GNAT3: variants seen among roughly 807,000 people sequenced by gnomAD.
GNAT3 encodes the protein G protein subunit alpha transducin 3, also known as guanine nucleotide-binding protein G(t) subunit alpha-3.
GNAT3 carries 31 observed loss-of-function variants against 37.7 expected under a neutral mutation model. The observed-to-expected ratio is 0.82, with a 90% CI of 0.62 to 1.11. GNAT3 has a LOEUF of 1.11. GNAT3 is among the 50% of genes most tolerant of loss of function. GNAT3 has a pLI of 0.00. For missense variants in GNAT3, 437 were observed against 412.5 expected, an observed-to-expected ratio of 1.06 and a Z score of -0.51; for synonymous variants, 138 against 139.8, an observed-to-expected ratio of 0.99 and a Z score of 0.09.
intron 3 of GNAT3, among the ~76,000 whole-genome samples, chr7:80,482,605 C>A (rs1451448677): frequency 5.9e-5 from 9 of 151,870 alleles, no homozygotes; most frequent in Non-Finnish European, 8.8e-5. Context: ...CCTCCACCTC[C>A]CACTTTCAAG....
chr7:80,471,930 A>G (rs1790227906), intron 5 of GNAT3, among the ~76,000 whole-genome samples: 1 of 152,030 alleles, frequency 6.6e-6, no homozygotes, highest in African/African-American at 2.4e-5. Flanking sequence ...TTGTGTATGT[A>G]GAGTGTTTGG....
At chr7:80,485,781 T>C (rs768977996) in intron 3 of GNAT3, among the ~76,000 whole-genome samples, 4 of 152,144 alleles carry the variant, frequency 2.6e-5, no homozygotes, top group Non-Finnish European at 5.9e-5. Flanking sequence ...TTACTGAAAA[T>C]GTACATTCTA....
intron 3 of GNAT3, among the ~76,000 whole-genome samples, chr7:80,487,320 A>G (rs924626353): frequency 1.3e-5 from 2 of 152,118 alleles, no homozygotes; most frequent in East Asian, 3.9e-4. Flanking sequence ...CCTTTTACAC[A>G]TGAGAGGGAA....
intron 3 of GNAT3, among the ~76,000 whole-genome samples, chr7:80,481,048 T>G (rs1193994696): frequency 2.0e-5 from 3 of 152,188 alleles, no homozygotes; most frequent in Non-Finnish European, 2.9e-5. Flanking sequence ...ATTATTATTT[T>G]GAATTGACTA....
intron 1 of GNAT3, among the ~76,000 whole-genome samples, chr7:80,504,246 G>A (rs1790889658): frequency 6.6e-6 from 1 of 152,114 alleles, no homozygotes; most frequent in South Asian, 2.1e-4. Flanking sequence ...AGCCCAGGAA[G>A]TTGGGGCTGC....
intron 5 of GNAT3, among the ~76,000 whole-genome samples, chr7:80,470,315 G>C (rs1790190703): frequency 6.6e-6 from 1 of 152,078 alleles, no homozygotes; most frequent in South Asian, 2.1e-4. Flanking sequence ...TCCGCCTTTT[G>C]AGTTCAAGTG....
Position 80,505,893 on chromosome 7 carries a change from G to C in GNAT3, c.118+5916C>G, listed in dbSNP as rs80072511. Among the ~76,000 whole-genome samples, 1,159 of 152,260 alleles carry C rather than the reference G, an allele frequency of 7.6e-3. 14 individuals are homozygous for C. The highest frequency in any genetic ancestry group is 0.027 in the African/African-American group (1,108 of 41,540). ...TCTACATTGATATATTTGCACACCA[G>C]TATTTGGAGAAAAATTATTGAAAGC... On this transcript the variant is annotated intron_variant, in intron 1 of 7. Coordinates refer to ENST00000398291, the MANE Select transcript of GNAT3 (RefSeq NM_001102386.3).
chr7:80,506,456 A>G (rs541199041), intron 1 of GNAT3, among the ~76,000 whole-genome samples: 1 of 152,334 alleles, frequency 6.6e-6, no homozygotes, highest in Non-Finnish European at 1.5e-5. Context: ...GCTTGTTGGA[A>G]AAGAGGGAAA....
chr7:80,460,176 T>C (rs968497468), intron 7 of GNAT3, among the ~76,000 whole-genome samples: 2 of 145,954 alleles, frequency 1.4e-5, no homozygotes, highest in Admixed American at 1.4e-4. Context: ...TAAAAAGACA[T>C]GGAGGAAACT....
chr7:80,488,483 A>G, intron 3 of GNAT3, 52 bp downstream of exon 3: 2 of 1,475,270 alleles, frequency 1.4e-6, no homozygotes, highest in South Asian at 1.3e-5. Context: ...CTCTTATTTT[A>G]TGGCTCAAAC....
intron 1 of GNAT3, among the ~76,000 whole-genome samples, chr7:80,497,185 G>C (rs964872509): frequency 3.3e-5 from 5 of 152,074 alleles, no homozygotes; most frequent in Non-Finnish European, 7.4e-5. Context: ...TCATTTACTA[G>C]AGGCTGCAAT....
chr7:80,471,424 T>C (rs1790217387), intron 5 of GNAT3, among the ~76,000 whole-genome samples: 1 of 151,930 alleles, frequency 6.6e-6, no homozygotes, highest in South Asian at 2.1e-4. Context: ...TTTATGATTG[T>C]TTATATTACT....
At chr7:80,479,496 G>A (rs781383189) in intron 3 of GNAT3, among the ~76,000 whole-genome samples, 3 of 151,910 alleles carry the variant, frequency 2.0e-5, no homozygotes, top group Non-Finnish European at 4.4e-5. Context: ...GAGGTGGGTA[G>A]ATCACTTGAG....
At chr7:80,485,088 C>A (rs1243661282) in intron 3 of GNAT3, among the ~76,000 whole-genome samples, 1 of 151,922 alleles carries the variant, frequency 6.6e-6, no homozygotes, top group Non-Finnish European at 1.5e-5. Flanking sequence ...TCTGTGATTT[C>A]GCATACTTCT....
intron 2 of GNAT3, among the ~76,000 whole-genome samples, chr7:80,492,480 T>A (rs974013194): frequency 6.6e-6 from 1 of 151,932 alleles, no homozygotes; most frequent in African/African-American, 2.4e-5. Flanking sequence ...AATACATGAT[T>A]TGTAATAGTT....
At position 80,462,754 on chromosome 7, in the gene GNAT3, T is replaced by A; in HGVS notation, c.591-123A>T. The A allele has an allele frequency of 4.7e-6, 3 of 631,706 alleles. No homozygotes were observed. The South Asian group carries it at 9.0e-5, about 19-fold the overall frequency. The allele number at this position is 631,706 out of a possible 1,614,324, so 39.1% of individuals were successfully genotyped here. A position where few individuals can be genotyped will look rare whatever the true frequency, so the allele number is the denominator to read the frequency against. ...CTTCAAAAGGTATTCTTTTGACTTTTATTGATTATAAAATTAAATTTATTT... is the reference window on the plus strand; with the variant it reads ...CTTCAAAAGGTATTCTTTTGACTTTAATTGATTATAAAATTAAATTTATTT... On this transcript the variant is annotated intron_variant, in intron 5 of 7. Coordinates refer to ENST00000398291, the MANE Select transcript of GNAT3 (RefSeq NM_001102386.3).
chr7:80,510,778 T>G (rs1253829733), intron 1 of GNAT3, among the ~76,000 whole-genome samples: 2 of 152,202 alleles, frequency 1.3e-5, no homozygotes, highest in African/African-American at 4.8e-5. Context: ...CTCTTGCCAC[T>G]GGGAGCAAAT....
At chr7:80,482,722 G>C (rs1371468776) in intron 3 of GNAT3, among the ~76,000 whole-genome samples, 6 of 142,612 alleles carry the variant, frequency 4.2e-5, no homozygotes, top group Non-Finnish European at 1.5e-5. Flanking sequence ...TAGTAGGGTC[G>C]AGGTTTCACC....
At chr7:80,502,076 A>G (rs1289036109) in intron 1 of GNAT3, among the ~76,000 whole-genome samples, 1 of 152,018 alleles carries the variant, frequency 6.6e-6, no homozygotes, top group Non-Finnish European at 1.5e-5. Context: ...AATGTACTGG[A>G]TACTTAAAAA....
Sources: allele counts gnomAD v4.1 joint callset (sites outside exome capture counted in the v4.1 genomes callset), GRCh38; gene constraint gnomAD v4.1.1; transcripts MANE v1.5; gene names NCBI Gene and HGNC (gene_info 2026-07-23, HGNC 2026-07-21).